ZNF565: variants seen among roughly 807,000 people sequenced by gnomAD.
The protein encoded by ZNF565 is zinc finger protein 565.
A neutral mutation model predicts 39.4 loss-of-function variants in ZNF565; 27 were observed. That is an observed-to-expected ratio of 0.69 (90% CI 0.51 to 0.95). The LOEUF is 0.95. Among genes scored for constraint, ZNF565 ranks in the 40% least tolerant of loss-of-function variants. The probability of loss-of-function intolerance (pLI) is 0.00; values close to 1 mark genes in which losing one functional copy is unlikely to be tolerated. For synonymous variants in ZNF565, 185 were observed against 216.6 expected (o/e 0.85, Z 1.28); for missense variants, 524 against 621.1 (o/e 0.84, Z 1.66).
intron 1 of ZNF565, among the ~76,000 whole-genome samples, chr19:36,221,620 A>T (rs1976842384): frequency 1.3e-5 from 2 of 152,112 alleles, no homozygotes; most frequent in Admixed American, 1.3e-4. Flanking sequence ...GAATTTGATT[A>T]CTATTGAAGT....
In ZNF565 at chr19:36,245,606, C is replaced by T. The variant is rs963035537; in HGVS notation, c.-76G>A. The stretch of plus-strand genomic sequence containing the variant: ...TAGGAGGAGGCTTGAGATGCAGCCT[C>T]CCAGCTTCGAGGCTACCACCTGCCC... On this transcript the variant is annotated 5_prime_UTR_variant, in exon 1 of 5. Transcript: ENST00000355114. This position sits in a 1 kb window ranked among gnomAD's most constrained non-coding sequence, Gnocchi z 4.4. The T allele has an allele frequency of 4.0e-5, 28 of 701,090 alleles. 1 individual carries two copies. In the East Asian group the frequency reaches 7.2e-4, roughly 18 times the overall value. 43.4% of individuals were successfully genotyped at this position (701,090 alleles called of 1,614,324 possible). A position where few individuals can be genotyped will look rare whatever the true frequency, so the allele number is the denominator to read the frequency against.
intron 1 of ZNF565, among the ~76,000 whole-genome samples, chr19:36,221,415 A>G (rs1393893803): frequency 6.7e-6 from 1 of 149,574 alleles, no homozygotes; most frequent in Non-Finnish European, 1.5e-5. Flanking sequence ...CAGCCTCCCG[A>G]GTAGCTGGGA....
chr19:36,245,409 C>T lies in ZNF565; in HGVS notation c.55+67G>A. Reference sequence around the variant, plus strand: ...TCACTGCGACCCGGAAAGCTCCGCGCTTACGACGCCCACCCAGAAAATCCG... The same window carrying T: ...TCACTGCGACCCGGAAAGCTCCGCGTTTACGACGCCCACCCAGAAAATCCG... On this transcript the variant is annotated intron_variant, in intron 1 of 4. Coordinates refer to the ZNF565 transcript ENST00000355114. The surrounding 1 kb of genome is among the most constrained non-coding windows in gnomAD (Gnocchi z 4.4). 1.4e-6 allele frequency: 1 copy of T among 700,948 alleles called. No homozygotes were observed. The highest frequency in any genetic ancestry group is 2.7e-5 in the East Asian group (1 of 37,262). 43.4% of individuals were successfully genotyped at this position (700,948 alleles called of 1,614,324 possible).
At chr19:36,226,723 G>A (rs1977083357) in intron 1 of ZNF565, among the ~76,000 whole-genome samples, 1 of 152,142 alleles carries the variant, frequency 6.6e-6, no homozygotes, top group African/African-American at 2.4e-5. Context: ...TGATACATTA[G>A]TATTATTTAA....
intron 1 of ZNF565, among the ~76,000 whole-genome samples, chr19:36,223,073 C>T (rs931339290): frequency 6.6e-6 from 1 of 151,846 alleles, no homozygotes; most frequent in East Asian, 1.9e-4. Context: ...TCCCAAGTAG[C>T]GGGGACTACA....
chr19:36,188,289 AG>A (rs1335376710), intron 4 of ZNF565, among the ~76,000 whole-genome samples: 2 of 151,346 alleles, frequency 1.3e-5, no homozygotes, highest in African/African-American at 4.9e-5. Flanking sequence ...TGGGAGGCGG[AG>A]GTTGCAGTGA....
intron 1 of ZNF565, among the ~76,000 whole-genome samples, chr19:36,227,500 C>CA (rs1977126002): frequency 6.6e-6 from 1 of 151,728 alleles, no homozygotes; most frequent in South Asian, 2.1e-4. Context: ...CTTCCTGTCT[C>CA]AGCCTCCTGA....
intron 2 of ZNF565, 140 bp downstream of exon 2, chr19:36,201,837 G>C: frequency 1.1e-6 from 1 of 930,674 alleles, no homozygotes; most frequent in Non-Finnish European, 1.7e-6. Flanking sequence ...GCCACCGAGG[G>C]ACTTGGGCAC....
chr19:36,221,550 A>T (rs1365085427), intron 1 of ZNF565, among the ~76,000 whole-genome samples: 1 of 152,082 alleles, frequency 6.6e-6, no homozygotes, highest in Admixed American at 6.6e-5. Context: ...AGCCTCCCAA[A>T]GTACTGGGAT....
chr19:36,236,665 T>C, intron 1 of ZNF565: 3 of 1,614,162 alleles, frequency 1.9e-6, no homozygotes, highest in Non-Finnish European at 2.5e-6. Flanking sequence ...TCGAATGTAA[T>C]GAATGTGGAA....
intron 2 of ZNF565, among the ~76,000 whole-genome samples, chr19:36,197,258 C>T (rs1000421858): frequency 2.0e-5 from 3 of 151,736 alleles, no homozygotes; most frequent in Non-Finnish European, 4.4e-5. Flanking sequence ...GGTGACAGAG[C>T]GAGACTCTGT....
At position 36,196,823 on chromosome 19, in the gene ZNF565, T is replaced by C. The variant is rs1393499172; in HGVS notation, c.10-1667A>G. Among the ~76,000 whole-genome samples, 4 of 152,150 alleles carry C rather than the reference T, an allele frequency of 2.6e-5. No individual in the cohort carries two copies. The East Asian group carries it at 7.7e-4, about 29-fold the overall frequency. On this transcript the variant is annotated intron_variant, in intron 2 of 4. Coordinates refer to ENST00000304116, the MANE Select transcript of ZNF565 (RefSeq NM_152477.5). ...TGGTAATTCCAGCACTTTGGGAGGC[T>C]GAGGTGGGTGAATCACCTGAGGTCA... is the stretch of plus-strand genomic sequence containing the variant.
intron 2 of ZNF565, among the ~76,000 whole-genome samples, chr19:36,196,893 A>G (rs1975779355): frequency 6.6e-6 from 1 of 151,888 alleles, no homozygotes. Flanking sequence ...TCCTGTCTCT[A>G]CTAAATACAA....
chr19:36,197,477 C>T, intron 2 of ZNF565, among the ~76,000 whole-genome samples: 1 of 151,298 alleles, frequency 6.6e-6, no homozygotes, highest in Non-Finnish European at 1.5e-5. Flanking sequence ...ATCTCAAAAA[C>T]AATATAAATA....
intron 1 of ZNF565, among the ~76,000 whole-genome samples, chr19:36,227,147 G>A (rs1977104011): frequency 6.6e-6 from 1 of 151,736 alleles, no homozygotes; most frequent in Admixed American, 6.6e-5. Context: ...CCAGCACTTT[G>A]GGAGGCAGAG....
intron 1 of ZNF565, among the ~76,000 whole-genome samples, chr19:36,220,107 T>A (rs1287685174): frequency 6.6e-6 from 1 of 152,154 alleles, no homozygotes; most frequent in East Asian, 1.9e-4. Context: ...TGTATCTTCC[T>A]CCCAGACTTG....
At chr19:36,203,733 G>A (rs1372268552) in intron 1 of ZNF565, among the ~76,000 whole-genome samples, 1 of 151,924 alleles carries the variant, frequency 6.6e-6, no homozygotes. Context: ...ACACCACTAC[G>A]CCTGGCTGAT....
chr19:36,188,276 A>G (rs1335707304), intron 4 of ZNF565, among the ~76,000 whole-genome samples: 1 of 151,528 alleles, frequency 6.6e-6, no homozygotes, highest in African/African-American at 2.4e-5. Context: ...AATCACTTGA[A>G]CCTGGGAGGC....
upstream of ZNF565, among the ~76,000 whole-genome samples, chr19:36,216,362 C>T (rs550270686): frequency 6.6e-6 from 1 of 151,906 alleles, no homozygotes; most frequent in Admixed American, 6.6e-5. Context: ...TGATCTTGGT[C>T]GGGTGCGGTG....
Sources: gnomAD v4.1 joint callset for allele counts (sites outside exome capture counted in the v4.1 genomes callset) on GRCh38, gnomAD v4.1.1 for gene constraint, Gnocchi (gnomAD v3.1) non-coding constraint, MANE v1.5 for transcripts, NCBI Gene and HGNC (gene_info 2026-07-23, HGNC 2026-07-21) for gene names.